ADAMTSL1: variants seen among roughly 807,000 people sequenced by gnomAD.
ADAMTSL1 encodes the protein ADAMTS like 1, also known as ADAMTS-like protein 1.
ADAMTSL1 carries 126 observed loss-of-function variants against 201.8 expected under a neutral mutation model. That is an observed-to-expected ratio of 0.62 (90% confidence interval 0.54 to 0.72). The LOEUF is 0.72. Ranked by LOEUF, ADAMTSL1 falls within the 30% of genes least tolerant of loss-of-function variation. The pLI, the probability that ADAMTSL1 is intolerant of heterozygous loss-of-function variation, is 0.00. For synonymous variants in ADAMTSL1, 1,121 were observed against 903.4 expected (o/e 1.24, Z -4.32); for missense variants, 2,679 against 2,277.8 (o/e 1.18, Z -3.59).
chr9:17,929,997 A>G (rs539427585), intron 1 of ADAMTSL1, among the ~76,000 whole-genome samples: 5 of 152,192 alleles, frequency 3.3e-5, no homozygotes, highest in Non-Finnish European at 7.3e-5. Context: ...TTTTTGAGAA[A>G]ATATGCAGTG....
intron 1 of ADAMTSL1, among the ~76,000 whole-genome samples, chr9:18,486,243 A>G (rs72688613): frequency 0.082 from 12,533 of 152,336 alleles, 681 homozygotes; most frequent in Middle Eastern, 0.13. Context: ...TATTGAAGGT[A>G]TTCGGGAACA....
At chr9:17,967,114 G>T (rs1360430967) in intron 1 of ADAMTSL1, among the ~76,000 whole-genome samples, 2 of 152,032 alleles carry the variant, frequency 1.3e-5, no homozygotes, top group Non-Finnish European at 2.9e-5. Context: ...GGCACTAAAG[G>T]TAGCATTATT....
chr9:18,136,154 T>C (rs542479934), intron 1 of ADAMTSL1, among the ~76,000 whole-genome samples: 2 of 152,310 alleles, frequency 1.3e-5, no homozygotes, highest in African/African-American at 2.4e-5. Context: ...GTAAGTTGCA[T>C]AGTGGTTCCC....
chr9:18,485,072 T>C lies in ADAMTSL1; in HGVS notation c.63+10777T>C, dbSNP rs181802863. Among the ~76,000 whole-genome samples, 837 of 152,308 alleles carry C rather than the reference T, an allele frequency of 5.5e-3. 9 individuals are homozygous for C. Among genetic ancestry groups the C allele is most frequent in the Middle Eastern group, 0.024 (7 of 294 alleles). On this transcript the variant is annotated intron_variant, in intron 1 of 28. Coordinates refer to ENST00000380548, the MANE Select transcript of ADAMTSL1 (RefSeq NM_001040272.6). ...ACTGCATTAAATTATCTAATTCTCA[T>C]AAGAACCCTATGGATGGAGCCATGA...
intron 20 of ADAMTSL1, among the ~76,000 whole-genome samples, chr9:18,796,043 T>C (rs1822399581): frequency 6.6e-6 from 1 of 152,194 alleles, no homozygotes; most frequent in Admixed American, 6.5e-5. Flanking sequence ...ACTGCCAACA[T>C]TCCCCTTTAT....
intron 15 of ADAMTSL1, among the ~76,000 whole-genome samples, chr9:18,742,096 G>C (rs1027963561): frequency 5.3e-5 from 8 of 152,118 alleles, no homozygotes; most frequent in African/African-American, 1.9e-4. Context: ...CTTTCATAAG[G>C]ATACCATTCC....
At chr9:18,773,957 A>G (rs375453612) in intron 17 of ADAMTSL1, among the ~76,000 whole-genome samples, 6 of 152,246 alleles carry the variant, frequency 3.9e-5, no homozygotes, top group African/African-American at 1.4e-4. Context: ...TCTCACCACT[A>G]TCCTTTGCAT....
At chr9:18,287,597 A>G (rs1485320960) in intron 2 of ADAMTSL1, among the ~76,000 whole-genome samples, 5 of 135,610 alleles carry the variant, frequency 3.7e-5, no homozygotes, top group Non-Finnish European at 7.8e-5. Flanking sequence ...ATATATACAC[A>G]CATATATGCA....
At chr9:18,577,649 G>C (rs902197017) in intron 4 of ADAMTSL1, among the ~76,000 whole-genome samples, 2 of 152,140 alleles carry the variant, frequency 1.3e-5, no homozygotes, top group Admixed American at 6.5e-5. Context: ...ATGTGAAAAT[G>C]TTTAATAAAC....
In ADAMTSL1 at chr9:18,232,000, G is replaced by A. The variant is rs192995501; in HGVS notation, c.207+68019G>A. Reference sequence around the variant, plus strand: ...TGCTCCTAAAGCTTGTTCTCAGTAAGCAGCCAGAGTGTAACAGAGAGATGT... The same window carrying A: ...TGCTCCTAAAGCTTGTTCTCAGTAAACAGCCAGAGTGTAACAGAGAGATGT... On this transcript the variant is annotated intron_variant, in intron 2 of 29. Transcript: ENST00000680146. Among the ~76,000 whole-genome samples the A allele has an allele frequency of 3.9e-5, 6 of 152,280 alleles. No homozygotes were observed. In the East Asian group the frequency reaches 9.7e-4, roughly 25 times the overall value.
intron 15 of ADAMTSL1, 39 bp downstream of exon 15, chr9:18,721,704 G>A (rs374492871): frequency 1.3e-5 from 21 of 1,604,558 alleles, no homozygotes; most frequent in African/African-American, 1.1e-4. Flanking sequence ...CCAGGGGCAC[G>A]TACAGAACTG....
At chr9:18,273,675 T>C (rs1440355539) in intron 2 of ADAMTSL1, among the ~76,000 whole-genome samples, 1 of 152,222 alleles carries the variant, frequency 6.6e-6, no homozygotes, top group Non-Finnish European at 1.5e-5. Flanking sequence ...GGCAATTTTA[T>C]GTGTTGATCC....
chr9:18,894,025 C>A (rs1474262149), intron 26 of ADAMTSL1, among the ~76,000 whole-genome samples: 2 of 152,162 alleles, frequency 1.3e-5, no homozygotes, highest in Non-Finnish European at 2.9e-5. Flanking sequence ...AAAAGCAGCC[C>A]ACAATATTTG....
intron 20 of ADAMTSL1, among the ~76,000 whole-genome samples, chr9:18,807,185 C>T (rs531394580): frequency 2.6e-4 from 40 of 152,250 alleles, no homozygotes; most frequent in African/African-American, 8.7e-4. Context: ...TATACAGATA[C>T]AAAACTTGGC....
At chr9:18,869,000 A>G (rs1827719154) in intron 23 of ADAMTSL1, among the ~76,000 whole-genome samples, 2 of 152,226 alleles carry the variant, frequency 1.3e-5, no homozygotes, top group Admixed American at 1.3e-4. Flanking sequence ...AAGGTCATTC[A>G]TATGGACCCT....
At chr9:18,003,635 G>T (rs12346508) in intron 1 of ADAMTSL1, among the ~76,000 whole-genome samples, 62,679 of 151,940 alleles carry the variant, frequency 0.41, 13,144 homozygotes, top group African/African-American at 0.48. Flanking sequence ...GTAGCAAGTC[G>T]GATGGGAATC....
intron 10 of ADAMTSL1, 73 bp downstream of exon 10, chr9:18,675,980 T>G: frequency 1.6e-6 from 2 of 1,284,500 alleles, no homozygotes; most frequent in Non-Finnish European, 2.3e-6. Flanking sequence ...TATATAGAGA[T>G]ATACATATAC....
At chr9:18,106,032 C>G (rs1191547031) in intron 1 of ADAMTSL1, among the ~76,000 whole-genome samples, 1 of 152,144 alleles carries the variant, frequency 6.6e-6, no homozygotes, top group South Asian at 2.1e-4. Context: ...CTTTGAATTC[C>G]TAGAGTGACT....
At chr9:18,544,833 T>C (rs1311533744) in intron 3 of ADAMTSL1, among the ~76,000 whole-genome samples, 3 of 152,200 alleles carry the variant, frequency 2.0e-5, no homozygotes, top group Non-Finnish European at 4.4e-5. Flanking sequence ...CTATTATTAA[T>C]GACAGAGTGA....
Sources: gnomAD v4.1 joint callset for allele counts (sites outside exome capture counted in the v4.1 genomes callset) on GRCh38, gnomAD v4.1.1 for gene constraint, MANE v1.5 for transcripts, NCBI Gene and HGNC (gene_info 2026-07-23, HGNC 2026-07-21) for gene names.